Variants in ANKRD6 observed in about 807,000 individuals in gnomAD.
The protein encoded by ANKRD6 is ankyrin repeat domain-containing protein 6.
Under a neutral mutation model 82.3 loss-of-function variants are expected in ANKRD6, and 56 were observed. The observed-to-expected ratio is 0.68, with a 90% CI of 0.55 to 0.85. The LOEUF is 0.85. Among genes scored for constraint, ANKRD6 ranks in the 40% least tolerant of loss-of-function variants. The pLI is 0.00. For missense variants in ANKRD6, 852 were observed against 907.6 expected (o/e 0.94, Z 0.79); for synonymous variants, 347 against 352.1 (o/e 0.99, Z 0.16).
At chr6:89,556,915 C>G (rs12212420) in intron 1 of ANKRD6, among the ~76,000 whole-genome samples, 4,089 of 152,220 alleles carry the variant, frequency 0.027, 86 homozygotes, top group Non-Finnish European at 0.043. Flanking sequence ...GGGATTTGAG[C>G]CCAGGCAGTC....
chr6:89,606,164 T>TCC, intron 5 of ANKRD6, 59 bp downstream of exon 5: 6 of 1,375,010 alleles, frequency 4.4e-6, no homozygotes, highest in Non-Finnish European at 4.9e-6. Flanking sequence ...TGTGGGTTTC[T>TCC]CCCCCTGTGG....
At chr6:89,618,789 A>AT (rs1802263615) in intron 9 of ANKRD6, among the ~76,000 whole-genome samples, 1 of 152,204 alleles carries the variant, frequency 6.6e-6, no homozygotes, top group Non-Finnish European at 1.5e-5. Flanking sequence ...CAGTCTTCAT[A>AT]ATTATTCATT....
At chr6:89,450,718 A>T (rs1160329934) in intron 1 of ANKRD6, among the ~76,000 whole-genome samples, 3 of 151,208 alleles carry the variant, frequency 2.0e-5, no homozygotes, top group African/African-American at 4.9e-5. Flanking sequence ...CACCAACTTG[A>T]CTAGGCTAGT....
At chr6:89,523,663 T>G (rs1782135656) in intron 1 of ANKRD6, among the ~76,000 whole-genome samples, 1 of 152,160 alleles carries the variant, frequency 6.6e-6, no homozygotes, top group Non-Finnish European at 1.5e-5. Context: ...GAGAAACGTT[T>G]GCTATGGTAG....
chr6:89,581,829 GAGCCCATGCAGGGCTGCT>G, intron 2 of ANKRD6, among the ~76,000 whole-genome samples: 1 of 152,358 alleles, frequency 6.6e-6, no homozygotes, highest in South Asian at 2.1e-4. Flanking sequence ...GCAAGGGCAG[GAGCCCATGCAGGGCTGCT>G]GCAGTGCTTC....
At chr6:89,598,891 A>C (rs994753118) in intron 3 of ANKRD6, among the ~76,000 whole-genome samples, 2 of 152,186 alleles carry the variant, frequency 1.3e-5, no homozygotes, top group African/African-American at 4.8e-5. Flanking sequence ...CCACAGATGC[A>C]TCTGACCTTT....
chr6:89,627,478 G>A, intron 13 of ANKRD6, 105 bp from the exon 14 acceptor site: 1 of 845,062 alleles, frequency 1.2e-6, no homozygotes, highest in Non-Finnish European at 1.9e-6. Context: ...AAGTTTGCAT[G>A]CAGGGGCTCC....
At chr6:89,478,670 T>G (rs1363708395) in intron 1 of ANKRD6, among the ~76,000 whole-genome samples, 2 of 150,236 alleles carry the variant, frequency 1.3e-5, no homozygotes, top group Non-Finnish European at 3.0e-5. Context: ...GACAGGAGAA[T>G]TGCTTGAACC....
At chr6:89,561,134 A>G (rs1562818694) in intron 1 of ANKRD6, 1 of 152,202 alleles carries the variant, frequency 6.6e-6, no homozygotes, top group African/African-American at 2.4e-5. Context: ...TGATTTTTAC[A>G]TCTGTAAGCA....
Position 89,566,920 on chromosome 6 carries a change from G to C in ANKRD6, c.-57G>C. ...GGTGCCAGGCCGGGCCAGTGACTTC[G>C]TGTTGAGCTGAAGGAACTTGTCTAC... On this transcript the variant is annotated 5_prime_UTR_variant, in exon 2 of 16. Transcript: ENST00000339746. 6.5e-7 allele frequency: 1 copy of C among 1,548,218 alleles called. No individual in the cohort carries two copies.
At chr6:89,478,689 G>A (rs1221168960) in intron 1 of ANKRD6, among the ~76,000 whole-genome samples, 5 of 150,848 alleles carry the variant, frequency 3.3e-5, no homozygotes, top group East Asian at 2.0e-4. Flanking sequence ...CCTGGGAGGC[G>A]GAGATTGGGA....
chr6:89,625,080 C>T lies in ANKRD6; in HGVS notation c.1371+389C>T, dbSNP rs377236668. On this transcript the variant is annotated intron_variant, in intron 13 of 15. Transcript: ENST00000339746. Reference sequence around the variant, plus strand: ...GGCAGATCACTTGAGGTCAGGAGTTCGAGACCAGCCTGGCCAACATGGTGA... The same window carrying T: ...GGCAGATCACTTGAGGTCAGGAGTTTGAGACCAGCCTGGCCAACATGGTGA... Among the ~76,000 whole-genome samples the T allele has an allele frequency of 2.9e-3, 446 of 152,108 alleles. 2 individuals carry two copies. Among genetic ancestry groups the T allele is most frequent in the African/African-American group, 0.01 (423 of 41,518 alleles).
At chr6:89,605,245 A>G (rs1798239533) in intron 4 of ANKRD6, among the ~76,000 whole-genome samples, 1 of 152,102 alleles carries the variant, frequency 6.6e-6, no homozygotes, top group Non-Finnish European at 1.5e-5. Flanking sequence ...AGCAAGGCAT[A>G]GTGGTGCATG....
chr6:89,624,050 T>C lies in ANKRD6; in HGVS notation c.1211T>C (p.Val404Ala). The C allele has an allele frequency of 2.5e-6, 4 of 1,599,442 alleles. No homozygotes were observed. Among genetic ancestry groups the C allele is most frequent in the Non-Finnish European group, 3.4e-6 (4 of 1,175,536 alleles). The change falls in exon 12 of 16, where the codon GTG (valine) becomes GCG (alanine). Residue 404 changes from valine (V) to alanine (A), a missense_variant. Val to Ala is a moderately conservative substitution (Grantham distance 64). Coordinates refer to ENST00000339746, the MANE Select transcript of ANKRD6 (RefSeq NM_001242809.2). ...TTGTACCGGGGCAAGGATGGGAAAGTGATGCAGGTACCTGCAAAGCAGTGT... is the reference window on the plus strand; with the variant it reads ...TTGTACCGGGGCAAGGATGGGAAAGCGATGCAGGTACCTGCAAAGCAGTGT... ...YTLYRGKDGK[V>A]MQAPINGCRC...
At chr6:89,456,236 A>C (rs1773493182) in intron 1 of ANKRD6, among the ~76,000 whole-genome samples, 1 of 152,142 alleles carries the variant, frequency 6.6e-6, no homozygotes, top group African/African-American at 2.4e-5. Context: ...AGCAGGCCCC[A>C]CTTTTAACAT....
At chr6:89,524,456 T>C (rs1583076043) in intron 1 of ANKRD6, among the ~76,000 whole-genome samples, 3 of 152,226 alleles carry the variant, frequency 2.0e-5, no homozygotes, top group Admixed American at 1.3e-4. Flanking sequence ...TCCAGACTGC[T>C]GAGAATGCCA....
At chr6:89,629,778 A>G (rs553622943) in intron 15 of ANKRD6, among the ~76,000 whole-genome samples, 13 of 152,376 alleles carry the variant, frequency 8.5e-5, no homozygotes, top group Admixed American at 4.6e-4. Flanking sequence ...GAGGACATTC[A>G]GAGCCTGGGT....
intron 1 of ANKRD6, among the ~76,000 whole-genome samples, chr6:89,499,347 C>A (rs1450391049): frequency 6.6e-6 from 1 of 152,168 alleles, no homozygotes; most frequent in Non-Finnish European, 1.5e-5. Flanking sequence ...TTTTGTGAGG[C>A]CTGGTGAGCC....
intron 4 of ANKRD6, among the ~76,000 whole-genome samples, chr6:89,604,732 C>T (rs556680328): frequency 1.3e-5 from 2 of 152,272 alleles, no homozygotes; most frequent in Non-Finnish European, 2.9e-5. Context: ...GTCAGTCCCA[C>T]TGCCCGGGCC....
Sources: allele counts gnomAD v4.1 joint callset (sites outside exome capture counted in the v4.1 genomes callset), GRCh38; gene constraint gnomAD v4.1.1; transcripts MANE v1.5; gene names NCBI Gene and HGNC (gene_info 2026-07-23, HGNC 2026-07-21).